BAZ2B: variants seen among roughly 807,000 people sequenced by gnomAD.
The protein encoded by BAZ2B is bromodomain adjacent to zinc finger domain protein 2B.
Under a neutral mutation model 246.0 loss-of-function variants are expected in BAZ2B, and 91 were observed. That is an observed-to-expected ratio of 0.37 (90% CI 0.31 to 0.44). The LOEUF is 0.44. Ranked by LOEUF, BAZ2B falls within the 20% of genes least tolerant of loss-of-function variation. The pLI is 1.00. For synonymous variants in BAZ2B, 855 were observed against 860.0 expected, an observed-to-expected ratio of 0.99 and a Z score of 0.10; for missense variants, 2,332 against 2,533.7, an observed-to-expected ratio of 0.92 and a Z score of 1.71.
chr2:159,682,913 C>CA, the BAZ2B span, among the ~76,000 whole-genome samples: 8 of 125,656 alleles, frequency 6.4e-5, no homozygotes, highest in Non-Finnish European at 8.6e-5. Context: ...CACCCCTCCC[C>CA]CCCCCCACAC....
chr2:159,526,891 C>A (rs2084805020), intron 2 of BAZ2B, among the ~76,000 whole-genome samples: 1 of 150,920 alleles, frequency 6.6e-6, no homozygotes, highest in Non-Finnish European at 1.5e-5. Context: ...ATTCTATCAC[C>A]CATGCTGGAG....
intron 1 of BAZ2B, among the ~76,000 whole-genome samples, chr2:159,570,180 T>G (rs1233434486): frequency 2.7e-5 from 3 of 111,444 alleles, no homozygotes; most frequent in African/African-American, 9.8e-5. Flanking sequence ...AAGTTTTTTT[T>G]TGTTTTTTTT....
At chr2:159,588,214 C>CA (rs556237766) in intron 1 of BAZ2B, among the ~76,000 whole-genome samples, 22,838 of 109,094 alleles carry the variant, frequency 0.21, 2,752 homozygotes, top group East Asian at 0.39. Context: ...GACCCTGCAT[C>CA]AAAAAAAAAA....
chr2:159,649,567 A>G, the BAZ2B span, among the ~76,000 whole-genome samples: 1 of 152,092 alleles, frequency 6.6e-6, no homozygotes, highest in Non-Finnish European at 1.5e-5. Flanking sequence ...GTACCAGTCC[A>G]TGGCCCAGGG....
At chr2:159,446,534 G>C (rs2074274853) in intron 6 of BAZ2B, among the ~76,000 whole-genome samples, 1 of 152,120 alleles carries the variant, frequency 6.6e-6, no homozygotes, top group South Asian at 2.1e-4. Context: ...TCGGATACAG[G>C]GAAGAGTTAA....
chr2:159,620,761 G>A (rs1415061485), upstream of BAZ2B, among the ~76,000 whole-genome samples: 2 of 152,126 alleles, frequency 1.3e-5, no homozygotes, highest in African/African-American at 4.8e-5. Context: ...GGAATGATAG[G>A]GATGTCATGA....
chr2:159,426,456 T>C (rs1315015416), intron 13 of BAZ2B, among the ~76,000 whole-genome samples: 1 of 152,176 alleles, frequency 6.6e-6, no homozygotes, highest in Non-Finnish European at 1.5e-5. Flanking sequence ...AAAACTGATA[T>C]CGTGTATACA....
At chr2:159,326,777 A>G (rs1413579908) in intron 34 of BAZ2B, among the ~76,000 whole-genome samples, 1 of 152,234 alleles carries the variant, frequency 6.6e-6, no homozygotes, top group African/African-American at 2.4e-5. Context: ...TACAAATTGC[A>G]GGCAGCACAC....
At chr2:159,699,928 G>C in the BAZ2B span, among the ~76,000 whole-genome samples, 14 of 152,128 alleles carry the variant, frequency 9.2e-5, no homozygotes, top group Admixed American at 9.2e-4. Context: ...ATGGCACTTT[G>C]TTGCTGCTTC....
intron 1 of BAZ2B, among the ~76,000 whole-genome samples, chr2:159,567,120 G>A (rs534374221): frequency 1.3e-5 from 2 of 152,158 alleles, no homozygotes; most frequent in South Asian, 4.1e-4. Context: ...GTGTGCACCC[G>A]TAGTCCCAGC....
chr2:159,645,868 C>G, the BAZ2B span, among the ~76,000 whole-genome samples: 1 of 151,952 alleles, frequency 6.6e-6, no homozygotes, highest in Non-Finnish European at 1.5e-5. Flanking sequence ...GTGTGGGTCA[C>G]AGAGATCATG....
intron 2 of BAZ2B, among the ~76,000 whole-genome samples, chr2:159,509,183 A>C (rs2082650195): frequency 6.6e-6 from 1 of 152,208 alleles, no homozygotes; most frequent in Admixed American, 6.5e-5. Context: ...AATTGACTAA[A>C]AAGAATATAT....
At chr2:159,321,130 A>C (rs905393454) in intron 36 of BAZ2B, among the ~76,000 whole-genome samples, 2 of 152,224 alleles carry the variant, frequency 1.3e-5, no homozygotes, top group African/African-American at 4.8e-5. Context: ...AAAAGAGAAA[A>C]GAAAGGTGAA....
At chr2:159,549,239 C>T (rs891140023) in intron 2 of BAZ2B, among the ~76,000 whole-genome samples, 1 of 152,300 alleles carries the variant, frequency 6.6e-6, no homozygotes, top group South Asian at 2.1e-4. Context: ...CGAGATTGCA[C>T]CACTGCACTC....
In BAZ2B at chr2:159,350,084, C is replaced by A; in HGVS notation, c.4487G>T (p.Cys1496Phe). ...TCCACTGTTCTGATAAGACAACGTG[C>A]ACCCATTTGCACCAGCATTTGGTTT... ...TPKPNAGANGCTLSYQNSGKH... is the reference protein window; with the variant it reads ...TPKPNAGANGFTLSYQNSGKH... The change falls in exon 28 of 37, where the codon TGC becomes TTC. Residue 1496 changes from cysteine to phenylalanine, a missense_variant. Transcript: ENST00000392783. The A allele has an allele frequency of 6.2e-7, 1 of 1,614,146 alleles. No homozygotes were observed. Among genetic ancestry groups the A allele is most frequent in the Non-Finnish European group, 8.5e-7 (1 of 1,180,014 alleles).
chr2:159,436,348 C>G (rs1459014227), intron 8 of BAZ2B, among the ~76,000 whole-genome samples: 1 of 152,136 alleles, frequency 6.6e-6, no homozygotes, highest in Non-Finnish European at 1.5e-5. Flanking sequence ...CCCAATTACT[C>G]TTTTATAGTA....
the BAZ2B span, among the ~76,000 whole-genome samples, chr2:159,645,544 T>C: frequency 6.6e-6 from 1 of 152,062 alleles, no homozygotes; most frequent in Non-Finnish European, 1.5e-5. Context: ...GAGAATCTAA[T>C]GTCACTGCTG....
intron 3 of BAZ2B, 75 bp downstream of exon 3, chr2:159,478,500 T>G: frequency 7.0e-7 from 1 of 1,434,404 alleles, no homozygotes; most frequent in Non-Finnish European, 9.3e-7. Flanking sequence ...AATATTTTAT[T>G]CAGTGCTCAA....
intron 2 of BAZ2B, among the ~76,000 whole-genome samples, chr2:159,527,231 T>C (rs901879579): frequency 5.3e-5 from 8 of 152,170 alleles, no homozygotes; most frequent in African/African-American, 1.9e-4. Flanking sequence ...CATCTTTTCA[T>C]GTGTTCAGCT....
Sources: allele counts gnomAD v4.1 joint callset (sites outside exome capture counted in the v4.1 genomes callset), GRCh38; gene constraint gnomAD v4.1.1; transcripts MANE v1.5; gene names NCBI Gene and HGNC (gene_info 2026-07-23, HGNC 2026-07-21).